The following NCOA3 variants were observed in gnomAD, a reference collection of about 807,000 sequenced individuals.
NCOA3 encodes the protein CBP-interacting protein.
Under a neutral mutation model 158.8 loss-of-function variants are expected in NCOA3, and 51 were observed. That is an observed-to-expected ratio of 0.32 (90% CI 0.26 to 0.41). The LOEUF is 0.41. NCOA3 is among the 10% of genes least tolerant of loss of function. The pLI is 1.00. For missense variants in NCOA3, 1,510 were observed against 1,746.6 expected (o/e 0.86, Z 2.41); for synonymous variants, 537 against 592.4 (o/e 0.91, Z 1.36).
rs1183356885 is a variant in NCOA3 at position 47,655,798 on chromosome 20, A to G, written c.*2381A>G. 2.0e-5 allele frequency: 3 copies of G among 152,458 alleles called. No individual in the cohort carries two copies. Among genetic ancestry groups the G allele is most frequent in the East Asian group, 1.9e-4 (1 of 5,204 alleles). 9.4% of individuals were successfully genotyped at this position (152,458 alleles called of 1,614,324 possible). A position where few individuals can be genotyped will look rare whatever the true frequency, so the allele number is the denominator to read the frequency against. On this transcript the variant is annotated 3_prime_UTR_variant, in exon 23 of 23. Coordinates refer to ENST00000371998, the MANE Select transcript of NCOA3 (RefSeq NM_181659.3). ...CAAAAAAAAAATAAATTTTTTTGCAATCCTTTCCTCAGACCTGGCTCCAGG... is the reference window on the plus strand; with the variant it reads ...CAAAAAAAAAATAAATTTTTTTGCAGTCCTTTCCTCAGACCTGGCTCCAGG...
At chr20:47,512,030 T>A (rs1030247462) in intron 1 of NCOA3, among the ~76,000 whole-genome samples, 2 of 151,754 alleles carry the variant, frequency 1.3e-5, no homozygotes, top group African/African-American at 2.4e-5. Context: ...TTAAAAAAAA[T>A]CAGGCTGGGT....
At chr20:47,526,166 G>A (rs1469509632) in intron 1 of NCOA3, among the ~76,000 whole-genome samples, 1 of 150,922 alleles carries the variant, frequency 6.6e-6, no homozygotes, top group Non-Finnish European at 1.5e-5. Context: ...GACGATGGGC[G>A]GCCGGGCAGA....
chr20:47,654,147 GA>G lies in NCOA3; in HGVS notation c.*732del, dbSNP rs1602555327. 6.6e-6 allele frequency: 1 copy of G among 152,632 alleles called. No individual in the cohort carries two copies. The highest frequency in any genetic ancestry group is 1.9e-4 in the East Asian group (1 of 5,200). 9.5% of individuals were successfully genotyped at this position (152,632 alleles called of 1,614,324 possible). A position where few individuals can be genotyped will look rare whatever the true frequency, so the allele number is the denominator to read the frequency against. ...CAGCTGAGTGCACTTTATTTAAAAA[GA>G]ATGGATAAATGCAATATTCTTGAGG... On this transcript the variant is annotated 3_prime_UTR_variant, in exon 23 of 23. Transcript: ENST00000371998.
chr20:47,652,211 G>C (rs887118006), intron 20 of NCOA3, among the ~76,000 whole-genome samples, 195 bp from the exon 21 acceptor site: 3 of 152,018 alleles, frequency 2.0e-5, no homozygotes, highest in African/African-American at 7.3e-5. Context: ...TAGTAAGCCT[G>C]TTACTCTAGT....
intron 1 of NCOA3, among the ~76,000 whole-genome samples, chr20:47,560,827 T>A (rs372053919): frequency 2.6e-5 from 4 of 152,146 alleles, no homozygotes; most frequent in South Asian, 4.1e-4. Context: ...TTGCTTTGAT[T>A]TAAAAATTTT....
rs5841701 is a variant in NCOA3, at chr20:47,564,156, G to GA, written c.-98-19015dup. On this transcript the variant is annotated intron_variant, in intron 1 of 22. Transcript: ENST00000371998. Reference sequence around the variant, plus strand: ...AGAGCGAGACCCTGTCTCAAAAAACGAAAAAAAAAAAATTTATGCACCTTT... The same window carrying GA: ...AGAGCGAGACCCTGTCTCAAAAAACGAAAAAAAAAAAAATTTATGCACCTTT... Among the ~76,000 whole-genome samples, 850 of 148,096 alleles carry GA rather than the reference G, an allele frequency of 5.7e-3. 10 individuals carry two copies. The highest frequency in any genetic ancestry group is 0.019 in the African/African-American group (780 of 40,308).
chr20:47,646,698 A>G (rs1401344321), intron 17 of NCOA3, among the ~76,000 whole-genome samples: 1 of 152,124 alleles, frequency 6.6e-6, no homozygotes, highest in African/African-American at 2.4e-5. Flanking sequence ...TGGGAGAAAA[A>G]TGAGAAGTGT....
chr20:47,580,541 G>T (rs2085436044), intron 1 of NCOA3, among the ~76,000 whole-genome samples: 2 of 152,004 alleles, frequency 1.3e-5, no homozygotes, highest in South Asian at 4.2e-4. Context: ...CTGTGCAACA[G>T]AGTGAAACTC....
chr20:47,642,494 G>A (rs1190310239), intron 17 of NCOA3, 110 bp downstream of exon 17: 1 of 630,498 alleles, frequency 1.6e-6, no homozygotes, highest in African/African-American at 1.9e-5. Flanking sequence ...CCTAGTACTT[G>A]TGTTATATCA....
intron 1 of NCOA3, among the ~76,000 whole-genome samples, chr20:47,503,934 C>A (rs929219029): frequency 6.6e-6 from 1 of 152,100 alleles, no homozygotes; most frequent in Admixed American, 6.6e-5. Flanking sequence ...ATTGTCCAAT[C>A]AGCATTTGAA....
At chr20:47,526,987 G>T (rs1485846185) in intron 1 of NCOA3, among the ~76,000 whole-genome samples, 1 of 152,128 alleles carries the variant, frequency 6.6e-6, no homozygotes, top group Non-Finnish European at 1.5e-5. Context: ...TTGGATTTTA[G>T]ATTTCAATTT....
chr20:47,624,758 G>A (rs2086294864), intron 4 of NCOA3, among the ~76,000 whole-genome samples: 1 of 152,080 alleles, frequency 6.6e-6, no homozygotes, highest in Non-Finnish European at 1.5e-5. Context: ...TTGACCAGCT[G>A]TGCTTTTTGT....
chr20:47,601,500 G>A (rs1293663247), intron 2 of NCOA3, among the ~76,000 whole-genome samples: 1 of 152,098 alleles, frequency 6.6e-6, no homozygotes, highest in East Asian at 1.9e-4. Context: ...ACTTAATTTT[G>A]TAACTTAATT....
chr20:47,539,196 T>C (rs2084683441), intron 1 of NCOA3, among the ~76,000 whole-genome samples: 1 of 152,182 alleles, frequency 6.6e-6, no homozygotes, highest in Non-Finnish European at 1.5e-5. Flanking sequence ...CATGTTCCTG[T>C]AGTCCCAGCT....
At chr20:47,523,929 A>G (rs67414203) in intron 1 of NCOA3, among the ~76,000 whole-genome samples, 5,385 of 152,356 alleles carry the variant, frequency 0.035, 256 homozygotes, top group African/African-American at 0.11. Flanking sequence ...TGGTATTTTC[A>G]TAGCCCATGC....
intron 1 of NCOA3, among the ~76,000 whole-genome samples, chr20:47,567,024 G>GTATGTATT (rs549200296): frequency 0.017 from 2,348 of 142,292 alleles, 18 homozygotes; most frequent in South Asian, 0.043. Flanking sequence ...ATGTATGTAT[G>GTATGTATT]TATGTATGTA....
At chr20:47,532,139 T>TGTGTGTGTGTGTGTGTGTGTGTG in intron 1 of NCOA3, among the ~76,000 whole-genome samples, 3 of 151,318 alleles carry the variant, frequency 2.0e-5, no homozygotes, top group African/African-American at 7.3e-5. Flanking sequence ...TGTGTGTGTG[T>TGTGTGTGTGTGTGTGTGTGTGTG]TGCAGGGTTT....
At chr20:47,579,550 C>T (rs16992616) in intron 1 of NCOA3, among the ~76,000 whole-genome samples, 5,359 of 152,272 alleles carry the variant, frequency 0.035, 252 homozygotes, top group African/African-American at 0.11. Context: ...GTTTAACTCA[C>T]CAGCAAATTT....
chr20:47,615,782 C>T (rs2086121828), intron 2 of NCOA3, among the ~76,000 whole-genome samples: 1 of 152,172 alleles, frequency 6.6e-6, no homozygotes, highest in Admixed American at 6.5e-5. Context: ...CATGGATATA[C>T]TTTGGACTTT....
Sources: allele counts gnomAD v4.1 joint callset (sites outside exome capture counted in the v4.1 genomes callset), GRCh38; gene constraint gnomAD v4.1.1; transcripts MANE v1.5; gene names NCBI Gene and HGNC (gene_info 2026-07-23, HGNC 2026-07-21).